The following CPA6 variants were observed in gnomAD, a reference collection of about 807,000 sequenced individuals.
CPA6 encodes carboxypeptidase B.
Under a neutral mutation model 63.3 loss-of-function variants are expected in CPA6, and 58 were observed. The observed-to-expected ratio is 0.92, with a 90% confidence interval of 0.74 to 1.14. The LOEUF is 1.14. Among genes scored for constraint, CPA6 ranks in the 50% most tolerant of loss-of-function variants. The probability of loss-of-function intolerance (pLI) is 0.00; values close to 1 mark genes in which losing one functional copy is unlikely to be tolerated. For synonymous variants in CPA6, 185 were observed against 179.0 expected (o/e 1.03, Z -0.27); for missense variants, 565 against 526.6 (o/e 1.07, Z -0.71).
chr8:67,438,411 T>A (rs989550959), intron 8 of CPA6, among the ~76,000 whole-genome samples: 1 of 151,986 alleles, frequency 6.6e-6, no homozygotes, highest in Non-Finnish European at 1.5e-5. Flanking sequence ...AACAGCAACA[T>A]GAGTACTATA....
chr8:67,669,825 C>G (rs1378246740), intron 1 of CPA6, among the ~76,000 whole-genome samples: 1 of 150,588 alleles, frequency 6.6e-6, no homozygotes, highest in African/African-American at 2.5e-5. Flanking sequence ...AAAAACAGAG[C>G]ATCTGGGAGC....
Position 67,439,370 on chromosome 8 carries a change from T to G in CPA6, c.839-5130A>C, listed in dbSNP as rs910434441. 3.9e-5 allele frequency among the ~76,000 whole-genome samples: 6 copies of G among 151,934 alleles called. No homozygotes were observed. The East Asian group carries it at 1.2e-3, about 29-fold the overall frequency. On this transcript the variant is annotated intron_variant, in intron 8 of 10. Transcript: ENST00000297770. ...TGGGAGCCAAGGCAGGTGGATCACT[T>G]GAGGTAAGGAGTTTGAGACCTGCCT...
chr8:67,490,164 C>A (rs1811573334), intron 6 of CPA6, among the ~76,000 whole-genome samples: 2 of 152,090 alleles, frequency 1.3e-5, no homozygotes, highest in African/African-American at 2.4e-5. Context: ...GGACACAGAT[C>A]ATTTGTCTTT....
At position 67,674,872 on chromosome 8, in the gene CPA6, C is replaced by T. The variant is rs1225411861; in HGVS notation, c.117-50621G>A. 6.6e-5 allele frequency among the ~76,000 whole-genome samples: 10 copies of T among 152,114 alleles called. 1 individual carries two copies. The highest frequency in any genetic ancestry group is 6.6e-4 in the Admixed American group (10 of 15,264). ...AAAACCAAAAGCATGTCTTTTGCAG[C>T]AACATGGATGGAGCTGGAGGCCATA... On this transcript the variant is annotated intron_variant, in intron 1 of 10. Coordinates refer to ENST00000297770, the MANE Select transcript of CPA6 (RefSeq NM_020361.5).
intron 10 of CPA6, among the ~76,000 whole-genome samples, chr8:67,427,137 A>G (rs1038856710): frequency 6.6e-5 from 10 of 152,190 alleles, no homozygotes; most frequent in African/African-American, 2.4e-4. Context: ...GGTTATTCTC[A>G]CTATAAGAAG....
rs1229557199 is a variant in CPA6 at position 67,678,227 on chromosome 8, TCACA to T, written c.117-53980_117-53977del. ...TGGGAGATAATTGTAAAACTCTGTC[TCACA>T]CACACACACACACACACACACACAC... On this transcript the variant is annotated intron_variant, in intron 1 of 10. Coordinates refer to ENST00000297770, the MANE Select transcript of CPA6 (RefSeq NM_020361.5). 3.6e-3 allele frequency among the ~76,000 whole-genome samples: 454 copies of T among 127,628 alleles called. 2 individuals carry two copies. The highest frequency in any genetic ancestry group is 0.011 in the African/African-American group (339 of 29,772). The allele number at this position is 127,628 out of a possible 152,430, so 83.7% of individuals were successfully genotyped here.
intron 1 of CPA6, among the ~76,000 whole-genome samples, chr8:67,714,680 GATAA>G (rs1217391079): frequency 2.0e-5 from 3 of 152,106 alleles, no homozygotes; most frequent in East Asian, 1.9e-4. Flanking sequence ...TGAGTAAATA[GATAA>G]ATAAAGCTCA....
chr8:67,556,161 A>G (rs1813055571), intron 2 of CPA6, among the ~76,000 whole-genome samples: 5 of 152,182 alleles, frequency 3.3e-5, no homozygotes, highest in Admixed American at 2.6e-4. Context: ...GACCTGGATT[A>G]TATTAGTTAA....
chr8:67,462,104 G>A (rs559792521), intron 8 of CPA6, among the ~76,000 whole-genome samples: 5 of 151,156 alleles, frequency 3.3e-5, no homozygotes, highest in African/African-American at 1.2e-4. Context: ...TTTCTCCTTC[G>A]TCTGTCTAGC....
At chr8:67,494,777 T>C (rs1354110890) in intron 6 of CPA6, among the ~76,000 whole-genome samples, 1 of 152,218 alleles carries the variant, frequency 6.6e-6, no homozygotes, top group African/African-American at 2.4e-5. Flanking sequence ...CGATCTTCCA[T>C]CCCTTTGCTT....
chr8:67,603,011 G>A (rs1441624206), intron 2 of CPA6, among the ~76,000 whole-genome samples: 1 of 152,056 alleles, frequency 6.6e-6, no homozygotes, highest in Non-Finnish European at 1.5e-5. Context: ...GAACCCAAAA[G>A]CCAATGGTCT....
intron 1 of CPA6, among the ~76,000 whole-genome samples, chr8:67,728,057 G>A (rs1188260229): frequency 2.7e-5 from 4 of 145,764 alleles, no homozygotes; most frequent in East Asian, 2.0e-4. Context: ...TAGCCTGGGC[G>A]ACGGAGTGAG....
At chr8:67,580,587 G>T (rs1246578805) in intron 2 of CPA6, among the ~76,000 whole-genome samples, 1 of 152,178 alleles carries the variant, frequency 6.6e-6, no homozygotes, top group Non-Finnish European at 1.5e-5. Flanking sequence ...TCAGAGATGG[G>T]GGCTTGCAGA....
intron 1 of CPA6, among the ~76,000 whole-genome samples, chr8:67,676,418 C>T (rs889776035): frequency 1.3e-5 from 2 of 152,178 alleles, no homozygotes; most frequent in Non-Finnish European, 2.9e-5. Context: ...TTTAATTACT[C>T]CCTGTGACTG....
chr8:67,642,863 A>C (rs1815626751), intron 1 of CPA6, among the ~76,000 whole-genome samples: 1 of 152,028 alleles, frequency 6.6e-6, no homozygotes, highest in Non-Finnish European at 1.5e-5. Flanking sequence ...CTGAAAGGCA[A>C]AACCTTAAAA....
chr8:67,454,807 A>G (rs73262624), intron 8 of CPA6, among the ~76,000 whole-genome samples: 15,405 of 152,212 alleles, frequency 0.1, 1,994 homozygotes, highest in African/African-American at 0.3. Flanking sequence ...TCACCTTTTT[A>G]GTTTTTAAGT....
At chr8:67,623,606 C>T (rs75564546) in intron 2 of CPA6, among the ~76,000 whole-genome samples, 8,563 of 152,012 alleles carry the variant, frequency 0.056, 553 homozygotes, top group African/African-American at 0.16. Context: ...TAAATTTTTA[C>T]ATTTTTTTGC....
At chr8:67,463,659 A>C (rs1051433891) in intron 8 of CPA6, among the ~76,000 whole-genome samples, 1 of 151,834 alleles carries the variant, frequency 6.6e-6, no homozygotes, top group Non-Finnish European at 1.5e-5. Context: ...TAGTTTTTCA[A>C]CTCTTGTCCC....
At chr8:67,551,118 A>G (rs1812927675) in intron 2 of CPA6, among the ~76,000 whole-genome samples, 1 of 152,068 alleles carries the variant, frequency 6.6e-6, no homozygotes, top group African/African-American at 2.4e-5. Context: ...GCTAATGTCT[A>G]GAATGGTGTT....
Sources: allele counts gnomAD v4.1 joint callset (sites outside exome capture counted in the v4.1 genomes callset), GRCh38; gene constraint gnomAD v4.1.1; transcripts MANE v1.5; gene names NCBI Gene and HGNC (gene_info 2026-07-23, HGNC 2026-07-21).